ZNF277: variants seen among roughly 807,000 people sequenced by gnomAD.
The protein encoded by ZNF277 is zinc finger protein 277.
Under a neutral mutation model 60.7 loss-of-function variants are expected in ZNF277, and 55 were observed. The ratio of observed to expected loss-of-function variants is 0.91; its 90% CI spans 0.73 to 1.13. The LOEUF (loss-of-function observed/expected upper bound fraction) is 1.13, where lower values mean the gene tolerates loss of function less well. ZNF277 is among the 50% of genes most tolerant of loss of function. ZNF277 has a pLI of 0.00. For missense variants in ZNF277, 510 were observed against 523.0 expected (o/e 0.98, Z 0.24); for synonymous variants, 178 against 179.3 (o/e 0.99, Z 0.06).
At chr7:112,248,216 A>G (rs1791125875) in intron 1 of ZNF277, among the ~76,000 whole-genome samples, 1 of 151,690 alleles carries the variant, frequency 6.6e-6, no homozygotes, top group Non-Finnish European at 1.5e-5. Context: ...ACTGCAGTAC[A>G]TGCAGGTAGT....
chr7:112,219,338 T>C (rs1400827424), intron 1 of ZNF277, among the ~76,000 whole-genome samples: 3 of 152,068 alleles, frequency 2.0e-5, no homozygotes, highest in Non-Finnish European at 4.4e-5. Flanking sequence ...CTTCTAGGAG[T>C]TTTACAGTTT....
intron 11 of ZNF277, among the ~76,000 whole-genome samples, chr7:112,341,578 T>C (rs1793445803): frequency 6.6e-6 from 1 of 152,222 alleles, no homozygotes; most frequent in Non-Finnish European, 1.5e-5. Flanking sequence ...CTGCTAGGAC[T>C]TTTTGTATAT....
chr7:112,264,929 T>TCTGCTGACTGGTAAGCAGTGG (rs1791514898), intron 1 of ZNF277, among the ~76,000 whole-genome samples: 1 of 152,186 alleles, frequency 6.6e-6, no homozygotes, highest in African/African-American at 2.4e-5. Flanking sequence ...GGGTCTTGCC[T>TCTGCTGACTGGTAAGCAGTGG]CAATGTTTGT....
Position 112,326,890 on chromosome 7 carries a change from G to C in ZNF277, c.558-827G>C, listed in dbSNP as rs1404855212. Among the ~76,000 whole-genome samples, 4 of 152,132 alleles carry C rather than the reference G, an allele frequency of 2.6e-5. 1 individual carries two copies. Among genetic ancestry groups the C allele is most frequent in the African/African-American group, 9.7e-5 (4 of 41,432 alleles). On this transcript the variant is annotated intron_variant, in intron 5 of 11. Transcript: ENST00000361822. Reference sequence around the variant, plus strand: ...CTAAAGTTGTGATAAAAGCTCTGTAGAATATACTATACACATATGCTTTTT... The same window carrying C: ...CTAAAGTTGTGATAAAAGCTCTGTACAATATACTATACACATATGCTTTTT...
chr7:112,312,021 C>G (rs1056980612), intron 4 of ZNF277, among the ~76,000 whole-genome samples: 3 of 152,096 alleles, frequency 2.0e-5, no homozygotes, highest in Non-Finnish European at 4.4e-5. Context: ...ATGGGAAACA[C>G]AGCAACTCCA....
intron 2 of ZNF277, among the ~76,000 whole-genome samples, chr7:112,289,955 A>G (rs1002753059): frequency 6.6e-6 from 1 of 151,916 alleles, no homozygotes. Flanking sequence ...GGTTAGTTAC[A>G]CACGTATACA....
At chr7:112,250,750 G>A (rs959078030) in intron 1 of ZNF277, among the ~76,000 whole-genome samples, 2 of 152,110 alleles carry the variant, frequency 1.3e-5, no homozygotes, top group Non-Finnish European at 2.9e-5. Context: ...CTTGTGGGGA[G>A]AGGTGAACAA....
intron 5 of ZNF277, among the ~76,000 whole-genome samples, chr7:112,324,932 A>G (rs1210864216): frequency 6.6e-6 from 1 of 152,154 alleles, no homozygotes; most frequent in African/African-American, 2.4e-5. Flanking sequence ...TGAATTTCCC[A>G]GCTCAACTAT....
intron 1 of ZNF277, among the ~76,000 whole-genome samples, chr7:112,277,270 G>C (rs185914546): frequency 1.7e-4 from 26 of 152,062 alleles, no homozygotes; most frequent in Middle Eastern, 3.4e-3. Flanking sequence ...TTTTATTAGA[G>C]ACGGGGTTTC....
rs867624223 is a variant in ZNF277, at chr7:112,320,623, C to T, written c.557+2350C>T. 1.3e-4 allele frequency among the ~76,000 whole-genome samples: 20 copies of T among 152,158 alleles called. No homozygotes were observed. The South Asian group carries it at 3.1e-3, about 24-fold the overall frequency. The stretch of plus-strand genomic sequence containing the variant: ...ACCATACATCTACTTTTTCTCCTCT[C>T]CTCCACACCCTTCATTGTTTGTTTT... On this transcript the variant is annotated intron_variant, in intron 5 of 11. Coordinates refer to ENST00000361822, the MANE Select transcript of ZNF277 (RefSeq NM_021994.3).
At chr7:112,329,441 G>A (rs963737158) in intron 6 of ZNF277, among the ~76,000 whole-genome samples, 1 of 152,086 alleles carries the variant, frequency 6.6e-6, no homozygotes, top group Non-Finnish European at 1.5e-5. Flanking sequence ...AGGTATATGA[G>A]AATTATATGG....
chr7:112,337,684 T>C (rs1198355734), intron 8 of ZNF277, 46 bp from the exon 9 acceptor site: 1 of 1,549,200 alleles, frequency 6.5e-7, no homozygotes. Flanking sequence ...GTATACTCTC[T>C]TAATGAAGGG....
intron 6 of ZNF277, among the ~76,000 whole-genome samples, chr7:112,328,697 C>T (rs1455532339): frequency 6.6e-6 from 1 of 151,978 alleles, no homozygotes; most frequent in Non-Finnish European, 1.5e-5. Context: ...ATGGAGAAAC[C>T]CCATCTCTAC....
At chr7:112,251,390 A>C (rs933788482) in intron 1 of ZNF277, among the ~76,000 whole-genome samples, 1 of 152,202 alleles carries the variant, frequency 6.6e-6, no homozygotes, top group East Asian at 1.9e-4. Context: ...ATGTGAGATA[A>C]TTTGGAGAGA....
At chr7:112,249,020 G>A (rs1177252059) in intron 1 of ZNF277, among the ~76,000 whole-genome samples, 9 of 152,020 alleles carry the variant, frequency 5.9e-5, no homozygotes, top group Admixed American at 1.3e-4. Context: ...TTGTGTGCTC[G>A]CTAGCCTGTA....
At chr7:112,216,569 A>G (rs1821889642) in intron 1 of ZNF277, among the ~76,000 whole-genome samples, 1 of 152,150 alleles carries the variant, frequency 6.6e-6, no homozygotes, top group Non-Finnish European at 1.5e-5. Flanking sequence ...TCAGCCTCAT[A>G]AAGCGCTAGG....
At chr7:112,267,742 C>T (rs943737205) in intron 1 of ZNF277, among the ~76,000 whole-genome samples, 30 of 152,024 alleles carry the variant, frequency 2.0e-4, no homozygotes, top group Admixed American at 2.0e-3. Context: ...GGCTTCGGAC[C>T]TGAGAGTCAT....
At chr7:112,259,299 A>T (rs1791391145) in intron 1 of ZNF277, among the ~76,000 whole-genome samples, 2 of 152,188 alleles carry the variant, frequency 1.3e-5, no homozygotes, top group South Asian at 4.1e-4. Flanking sequence ...AGCCTAACTG[A>T]TGGAGATTTT....
chr7:112,297,486 A>C (rs1792381962), intron 4 of ZNF277, among the ~76,000 whole-genome samples: 1 of 152,188 alleles, frequency 6.6e-6, no homozygotes, highest in African/African-American at 2.4e-5. Flanking sequence ...TATTTACCAT[A>C]GTCATATAAT....
Sources: gnomAD v4.1 joint callset for allele counts (sites outside exome capture counted in the v4.1 genomes callset) on GRCh38, gnomAD v4.1.1 for gene constraint, MANE v1.5 for transcripts, NCBI Gene and HGNC (gene_info 2026-07-23, HGNC 2026-07-21) for gene names.